Variants in PTK2 observed in about 807,000 individuals in gnomAD.
PTK2 encodes the protein focal adhesion kinase 1.
In PTK2, 45 loss-of-function variants were observed where a neutral mutation model predicts 150.1. The ratio of observed to expected loss-of-function variants is 0.30; its 90% CI spans 0.24 to 0.38. The LOEUF is 0.38. Ranked by LOEUF, PTK2 falls within the 10% of genes least tolerant of loss-of-function variation. PTK2 has a pLI of 1.00. For synonymous variants in PTK2, 432 were observed against 449.2 expected (o/e 0.96, Z 0.48); for missense variants, 919 against 1,307.3 (o/e 0.70, Z 4.58).
intron 14 of PTK2, chr8:140,764,511 A>C (rs975675614): frequency 1.7e-5 from 9 of 536,068 alleles, no homozygotes; most frequent in South Asian, 3.1e-5. Context: ...TTTATCGGAG[A>C]GCAAACAGGG....
intron 5 of PTK2, among the ~76,000 whole-genome samples, chr8:140,853,024 T>A (rs72683776): frequency 0.13 from 19,727 of 152,096 alleles, 2,034 homozygotes; most frequent in East Asian, 0.48. Context: ...ATGCACACAC[T>A]GTTTTGATGG....
intron 27 of PTK2, among the ~76,000 whole-genome samples, chr8:140,681,656 A>C (rs1472592289): frequency 2.0e-5 from 3 of 152,088 alleles, no homozygotes; most frequent in African/African-American, 4.8e-5. Flanking sequence ...GGGCGCCTGT[A>C]GTCGCAGCTA....
At chr8:140,686,566 CAT>C (rs1293799685) in intron 27 of PTK2, 64 bp downstream of exon 30, 159 of 1,232,800 alleles carry the variant, frequency 1.3e-4, no homozygotes, top group Non-Finnish European at 1.8e-4. Context: ...TATATTGTGA[CAT>C]AAACACTGAT....
intron 4 of PTK2, 131 bp from the exon 5 acceptor site, chr8:140,864,530 A>G (rs1015958888): frequency 3.0e-5 from 15 of 497,756 alleles, no homozygotes; most frequent in Non-Finnish European, 4.2e-5. Context: ...AGCTATCATC[A>G]ATTAATCTTT....
At chr8:140,891,073 T>A (rs1157485111) in intron 2 of PTK2, among the ~76,000 whole-genome samples, 7 of 150,998 alleles carry the variant, frequency 4.6e-5, no homozygotes, top group African/African-American at 1.5e-4. Context: ...ACCCCTTTTT[T>A]AATCATAGCC....
intron 14 of PTK2, among the ~76,000 whole-genome samples, chr8:140,786,822 G>A (rs1423282576): frequency 1.3e-5 from 2 of 151,994 alleles, no homozygotes; most frequent in African/African-American, 2.4e-5. Flanking sequence ...GTCATATATT[G>A]AAGTATCACT....
At position 140,962,652 on chromosome 8, in the gene PTK2, G is replaced by A. The variant is rs149670408; in HGVS notation, c.-121-36903C>T. Among the ~76,000 whole-genome samples the A allele has an allele frequency of 3.6e-3, 541 of 152,088 alleles. 4 individuals carry two copies. The highest frequency in any genetic ancestry group is 0.012 in the African/African-American group (513 of 41,492). ...TAAAAATACAAAAAATTAGCCGGGCGTGGTGGCTAATCCCAGCTACTCGGG... is the reference window on the plus strand; with the variant it reads ...TAAAAATACAAAAAATTAGCCGGGCATGGTGGCTAATCCCAGCTACTCGGG... On this transcript the variant is annotated intron_variant, in intron 1 of 31. Coordinates refer to ENST00000522684, the Ensembl canonical transcript of PTK2.
intron 3 of PTK2, among the ~76,000 whole-genome samples, chr8:140,883,939 C>A (rs1568145037): frequency 6.6e-6 from 1 of 152,018 alleles, no homozygotes; most frequent in Non-Finnish European, 1.5e-5. Flanking sequence ...TTTCTGGAGG[C>A]TCTTAGCTTG....
rs140497009 is a variant in PTK2 at position 140,699,894 on chromosome 8, G to A, written c.2499+997C>T. Among the ~76,000 whole-genome samples the A allele has an allele frequency of 3.2e-3, 493 of 151,780 alleles. 3 individuals are homozygous for A. Among genetic ancestry groups the A allele is most frequent in the African/African-American group, 0.012 (479 of 41,356 alleles). On this transcript the variant is annotated intron_variant, in intron 26 of 31. Transcript: ENST00000522684. ...CTATTTCCTGTTCTGTTAAAATGAA[G>A]ATAATAAATGGACAGGTCCACATTC... is the stretch of plus-strand genomic sequence containing the variant.
exon 5 of PTK2, chr8:140,864,388 C>A: frequency 6.4e-7 from 1 of 1,568,624 alleles, no homozygotes. Context: ...ATAACGAATT[C>A]TCAATTCATA....
At chr8:140,976,461 T>C (rs1286250735) in intron 1 of PTK2, among the ~76,000 whole-genome samples, 4 of 152,248 alleles carry the variant, frequency 2.6e-5, no homozygotes, top group Non-Finnish European at 4.4e-5. Flanking sequence ...AAAAATTTTC[T>C]CTTTTCCTTA....
At chr8:140,895,383 A>G (rs1291997888) in intron 2 of PTK2, among the ~76,000 whole-genome samples, 1 of 152,100 alleles carries the variant, frequency 6.6e-6, no homozygotes, top group African/African-American at 2.4e-5. Context: ...TCAGCTGGGC[A>G]TGGTGGTGTG....
At chr8:140,967,882 C>A (rs1190370622) in intron 1 of PTK2, among the ~76,000 whole-genome samples, 2 of 152,180 alleles carry the variant, frequency 1.3e-5, no homozygotes, top group African/African-American at 4.8e-5. Flanking sequence ...ATCAATAGTT[C>A]CTGCACTTAA....
chr8:140,810,311 G>C (rs781538136), intron 10 of PTK2, among the ~76,000 whole-genome samples: 1 of 152,232 alleles, frequency 6.6e-6, no homozygotes, highest in Non-Finnish European at 1.5e-5. Context: ...TCCCATAAGA[G>C]ACTTTAGCCC....
chr8:140,789,358 G>C, intron 14 of PTK2, 116 bp downstream of exon 14: 1 of 940,530 alleles, frequency 1.1e-6, no homozygotes, highest in Non-Finnish European at 1.5e-6. Flanking sequence ...TGGATAGCCA[G>C]AATGCTTATT....
intron 14 of PTK2, among the ~76,000 whole-genome samples, chr8:140,787,812 C>T (rs2100085832): frequency 6.6e-6 from 1 of 152,154 alleles, no homozygotes. Context: ...GGGGCTCATC[C>T]CAAAAGCTGC....
At chr8:140,697,864 T>G (rs369616020) in intron 26 of PTK2, among the ~76,000 whole-genome samples, 838 of 125,522 alleles carry the variant, frequency 6.7e-3, no homozygotes, top group Middle Eastern at 0.016. Flanking sequence ...TTTTTTTTTT[T>G]TTTTTTTTTT....
chr8:140,721,139 G>A (rs375169538), intron 22 of PTK2, among the ~76,000 whole-genome samples: 5 of 151,716 alleles, frequency 3.3e-5, no homozygotes, highest in East Asian at 1.9e-4. Flanking sequence ...GAACTCCTGC[G>A]TTCCAGAGTA....
chr8:140,769,493 C>A, intron 14 of PTK2, 82 bp downstream of exon 16: 1 of 983,654 alleles, frequency 1.0e-6, no homozygotes, highest in Admixed American at 2.4e-5. Flanking sequence ...GCACATTTTG[C>A]CTTTCATTAA....
Sources: gnomAD v4.1 joint callset for allele counts (sites outside exome capture counted in the v4.1 genomes callset) on GRCh38, gnomAD v4.1.1 for gene constraint, MANE v1.5 for transcripts, NCBI Gene and HGNC (gene_info 2026-07-23, HGNC 2026-07-21) for gene names.